Variants in ANXA4 observed in about 807,000 individuals in gnomAD.
ANXA4 encodes the protein annexin A4.
ANXA4 carries 39 observed loss-of-function variants against 49.8 expected under a neutral mutation model. The ratio of observed to expected loss-of-function variants is 0.78; its 90% CI spans 0.61 to 1.02. The LOEUF (loss-of-function observed/expected upper bound fraction) is 1.02, where lower values mean the gene tolerates loss of function less well. ANXA4 is among the 50% of genes least tolerant of loss of function. The probability of loss-of-function intolerance (pLI) is 0.00; values close to 1 mark genes in which losing one functional copy is unlikely to be tolerated. For synonymous variants in ANXA4, 134 were observed against 152.5 expected, an observed-to-expected ratio of 0.88 and a Z score of 0.89; for missense variants, 360 against 410.1, an observed-to-expected ratio of 0.88 and a Z score of 1.05.
chr2:69,707,768 A>G (rs892740820), intron 2 of ANXA4, among the ~76,000 whole-genome samples: 2 of 152,218 alleles, frequency 1.3e-5, no homozygotes, highest in African/African-American at 4.8e-5. Flanking sequence ...TTTAAAATGT[A>G]CAATTAAATT....
chr2:69,778,427 A>G (rs1195696075), intron 1 of ANXA4, among the ~76,000 whole-genome samples: 3 of 152,236 alleles, frequency 2.0e-5, no homozygotes, highest in Admixed American at 2.0e-4. Flanking sequence ...ACTGTCACCA[A>G]GTCAACTGTC....
At chr2:69,686,449 C>T (rs1677790514) in intron 2 of ANXA4, among the ~76,000 whole-genome samples, 3 of 151,464 alleles carry the variant, frequency 2.0e-5, no homozygotes, top group African/African-American at 2.4e-5. Context: ...GAATTACAGG[C>T]GTGAGCCACC....
chr2:69,667,173 G>A (rs1676969397), intron 2 of ANXA4, among the ~76,000 whole-genome samples: 2 of 152,040 alleles, frequency 1.3e-5, no homozygotes, highest in African/African-American at 2.4e-5. Context: ...GAGAGGGTGG[G>A]AAGGAAATGA....
chr2:69,765,319 G>T (rs1472186136), intron 1 of ANXA4, among the ~76,000 whole-genome samples: 1 of 152,132 alleles, frequency 6.6e-6, no homozygotes, highest in Non-Finnish European at 1.5e-5. Context: ...TTTTACGGTG[G>T]CTGTACCATT....
At chr2:69,815,353 G>A (rs1267944505) in intron 8 of ANXA4, 2 of 152,200 alleles carry the variant, frequency 1.3e-5, no homozygotes, top group Admixed American at 6.5e-5. Context: ...GGGAATCAGA[G>A]AAAGAAGTGA....
chr2:69,762,043 T>TA (rs1375498799), intron 1 of ANXA4, among the ~76,000 whole-genome samples: 1 of 152,348 alleles, frequency 6.6e-6, no homozygotes, highest in East Asian at 1.9e-4. Context: ...AATGTAGCCC[T>TA]ACCAGAGCAA....
chr2:69,723,619 T>C lies in ANXA4; in HGVS notation n.864+2748T>C, dbSNP rs991889717. On this transcript the variant is annotated intron_variant and non_coding_transcript_variant, in intron 3 of 3. Transcript: ENST00000418066. ...GTCTTTTGTCTATCCACAAATTTTA[T>C]GACATAAAATTTCTTATGCCGTTTA... 4.5e-4 allele frequency among the ~76,000 whole-genome samples: 69 copies of C among 152,264 alleles called. 1 individual carries two copies. Among genetic ancestry groups the C allele is most frequent in the Non-Finnish European group, 1.9e-4 (13 of 68,048 alleles).
chr2:69,770,771 A>G (rs1671674988), intron 1 of ANXA4, among the ~76,000 whole-genome samples: 1 of 151,902 alleles, frequency 6.6e-6, no homozygotes, highest in African/African-American at 2.4e-5. Flanking sequence ...GTGCAGACAC[A>G]CACATATTGC....
In ANXA4 at chr2:69,814,777, TGTGTGTGTGTGTGTGTGAGA is replaced by T. The variant is rs1234267880; in HGVS notation, c.535-1322_535-1303del. Reference sequence around the variant, plus strand: ...GTGTGTGTGTGTGTGTGTGTGTGTGTGTGTGTGTGTGTGTGTGAGAGAAAGAGAGAGAGGATGGAGTTGGG... The same window carrying T: ...GTGTGTGTGTGTGTGTGTGTGTGTGTGAAAGAGAGAGAGGATGGAGTTGGG... On this transcript the variant is annotated intron_variant, in intron 8 of 12. Transcript: ENST00000394295. The T allele has an allele frequency of 2.6e-3, 265 of 101,694 alleles. 2 individuals carry two copies. The highest frequency in any genetic ancestry group is 0.017 in the African/African-American group (237 of 13,580). 6.3% of individuals were successfully genotyped at this position (101,694 alleles called of 1,614,324 possible). A position where few individuals can be genotyped will look rare whatever the true frequency, so the allele number is the denominator to read the frequency against.
chr2:69,660,821 A>C (rs1338812009), intron 2 of ANXA4, among the ~76,000 whole-genome samples: 1 of 151,950 alleles, frequency 6.6e-6, no homozygotes, highest in Non-Finnish European at 1.5e-5. Flanking sequence ...AAGTTGAGAT[A>C]TGGAAGATAG....
rs1573066041 is a variant in ANXA4, at chr2:69,659,753, T to C, written n.766+6471T>C. ...CTGGGCAACATGATGAGACTTTAAA[T>C]GTAGAGCTTTCGTGCTTGCAAGAAA... On this transcript the variant is annotated intron_variant and non_coding_transcript_variant, in intron 2 of 3. Transcript: ENST00000418066. Among the ~76,000 whole-genome samples the C allele has an allele frequency of 2.0e-5, 3 of 152,254 alleles. 1 individual carries two copies. Among genetic ancestry groups the C allele is most frequent in the African/African-American group, 2.4e-5 (1 of 41,550 alleles).
Position 69,719,975 on chromosome 2 carries a change from A to G in ANXA4, n.767-799A>G, listed in dbSNP as rs957872954. On this transcript the variant is annotated intron_variant and non_coding_transcript_variant, in intron 2 of 3. Transcript: ENST00000418066. ...CTCTCTGGTTGTCATTACAGTTCCA[A>G]CGTGCCAGGCAACCAGTAAATGATC... Among the ~76,000 whole-genome samples the G allele has an allele frequency of 8.5e-5, 13 of 152,210 alleles. No homozygotes were observed. The South Asian group carries it at 2.7e-3, about 32-fold the overall frequency.
intron 1 of ANXA4, among the ~76,000 whole-genome samples, chr2:69,772,639 T>C (rs1329314988): frequency 6.6e-6 from 1 of 152,232 alleles, no homozygotes; most frequent in Non-Finnish European, 1.5e-5. Flanking sequence ...TAAGCATTTG[T>C]GTAGACTGAC....
chr2:69,662,992 C>CTTTTTTTTTTTTTTTTT (rs746269236), intron 2 of ANXA4, among the ~76,000 whole-genome samples: 1 of 123,200 alleles, frequency 8.1e-6, no homozygotes, highest in Non-Finnish European at 1.7e-5. Context: ...TTTTCTTTTT[C>CTTTTTTTTTTTTTTTTT]TTTTTTTTTT....
chr2:69,779,950 G>A (rs946365817), intron 1 of ANXA4, among the ~76,000 whole-genome samples: 7 of 152,106 alleles, frequency 4.6e-5, no homozygotes, highest in East Asian at 1.9e-4. Flanking sequence ...GGGGTAAGTC[G>A]GCAATGAATG....
At chr2:69,744,656 C>A (rs1670541249) in intron 1 of ANXA4, among the ~76,000 whole-genome samples, 1 of 152,194 alleles carries the variant, frequency 6.6e-6, no homozygotes, top group Admixed American at 6.5e-5. Context: ...TCACTTCAAC[C>A]TGCAATGGGG....
intron 2 of ANXA4, among the ~76,000 whole-genome samples, chr2:69,716,497 G>C (rs1009122700): frequency 1.3e-5 from 2 of 152,176 alleles, no homozygotes; most frequent in African/African-American, 4.8e-5. Context: ...GGGTTGGAGA[G>C]ACGGGCGAGA....
At chr2:69,768,466 G>A (rs942462226) in intron 1 of ANXA4, among the ~76,000 whole-genome samples, 9 of 152,124 alleles carry the variant, frequency 5.9e-5, no homozygotes, top group Admixed American at 2.6e-4. Flanking sequence ...GTTCAACCAC[G>A]TCATCTCTGT....
At chr2:69,679,802 A>T (rs944506134) in intron 2 of ANXA4, among the ~76,000 whole-genome samples, 4 of 152,176 alleles carry the variant, frequency 2.6e-5, no homozygotes, top group Non-Finnish European at 5.9e-5. Context: ...CTTTGTAGAC[A>T]ATCAGTTGGC....
Sources: allele counts gnomAD v4.1 joint callset (sites outside exome capture counted in the v4.1 genomes callset), GRCh38; gene constraint gnomAD v4.1.1; transcripts MANE v1.5; gene names NCBI Gene and HGNC (gene_info 2026-07-23, HGNC 2026-07-21).